The following SLC31A1 variants were observed in gnomAD, a reference collection of about 807,000 sequenced individuals.
The protein encoded by SLC31A1 is solute carrier family 31 member 1.
A neutral mutation model predicts 17.2 loss-of-function variants in SLC31A1; 5 were observed. The ratio of observed to expected loss-of-function variants is 0.29; its 90% confidence interval spans 0.15 to 0.61. SLC31A1 has a LOEUF of 0.61. Among genes scored for constraint, SLC31A1 ranks in the 20% least tolerant of loss-of-function variants. SLC31A1 has a pLI of 0.86. For missense variants in SLC31A1, 161 were observed against 241.4 expected, an observed-to-expected ratio of 0.67 and a Z score of 2.21; for synonymous variants, 76 against 78.8, an observed-to-expected ratio of 0.96 and a Z score of 0.19.
At chr9:113,240,187 A>G (rs772131715) in intron 1 of SLC31A1, among the ~76,000 whole-genome samples, 1 of 152,158 alleles carries the variant, frequency 6.6e-6, no homozygotes, top group South Asian at 2.1e-4. Context: ...ACAAATGATA[A>G]TTATACCTAC....
At chr9:113,252,888 C>G (rs1463069341) in intron 1 of SLC31A1, among the ~76,000 whole-genome samples, 1 of 151,362 alleles carries the variant, frequency 6.6e-6, no homozygotes, top group African/African-American at 2.4e-5. Context: ...TCTTCTGCCT[C>G]TAGCTCTTTA....
At position 113,260,718 on chromosome 9, in the gene SLC31A1, A is replaced by G; in HGVS notation, c.*245A>G. 1.9e-6 allele frequency: 1 copy of G among 532,028 alleles called. No individual in the cohort carries two copies. The highest frequency in any genetic ancestry group is 3.4e-6 in the Non-Finnish European group (1 of 291,680). 33.0% of individuals were successfully genotyped at this position (532,028 alleles called of 1,614,324 possible). ...TTCCCATTTCTCTTAAGGAGAAGCC[A>G]CCCATGAGATGTCTTTTCCTTCTCC... On this transcript the variant is annotated 3_prime_UTR_variant, in exon 5 of 5. Transcript: ENST00000374212.
intron 1 of SLC31A1, among the ~76,000 whole-genome samples, chr9:113,231,374 G>A (rs765278782): frequency 1.1e-4 from 17 of 152,034 alleles, no homozygotes; most frequent in Non-Finnish European, 1.9e-4. Context: ...GACCAGCCTG[G>A]GCAACATAGG....
At chr9:113,240,354 A>G (rs1031983573) in intron 1 of SLC31A1, among the ~76,000 whole-genome samples, 9 of 152,206 alleles carry the variant, frequency 5.9e-5, no homozygotes, top group Admixed American at 5.2e-4. Context: ...TACTTTTTGA[A>G]TGAATGAATA....
At chr9:113,240,567 G>T (rs1026253425) in intron 1 of SLC31A1, among the ~76,000 whole-genome samples, 2 of 152,092 alleles carry the variant, frequency 1.3e-5, no homozygotes, top group Non-Finnish European at 2.9e-5. Flanking sequence ...GAATGAGTTA[G>T]ATTATAAATC....
intron 1 of SLC31A1, among the ~76,000 whole-genome samples, chr9:113,250,460 T>A (rs1831636346): frequency 6.8e-6 from 1 of 147,422 alleles, no homozygotes; most frequent in African/African-American, 2.5e-5. Context: ...TTCTCACTTA[T>A]AGGTGGGAAT....
intron 1 of SLC31A1, among the ~76,000 whole-genome samples, chr9:113,239,201 C>G (rs1008952149): frequency 5.9e-5 from 9 of 152,006 alleles, no homozygotes; most frequent in Admixed American, 5.2e-4. Flanking sequence ...AACTCCTACC[C>G]CTAGACCTAG....
At chr9:113,231,221 G>A (rs1025093520) in intron 1 of SLC31A1, among the ~76,000 whole-genome samples, 1 of 152,014 alleles carries the variant, frequency 6.6e-6, no homozygotes, top group African/African-American at 2.4e-5. Flanking sequence ...AAGTAAATGC[G>A]CACACACACC....
In SLC31A1 at chr9:113,235,468, G is replaced by C. The variant is rs565140459; in HGVS notation, c.-36+13790G>C. 2.0e-5 allele frequency among the ~76,000 whole-genome samples: 3 copies of C among 152,282 alleles called. No individual in the cohort carries two copies. In the East Asian group the frequency reaches 5.8e-4, roughly 29 times the overall value. On this transcript the variant is annotated intron_variant, in intron 1 of 4. Coordinates refer to ENST00000374212, the MANE Select transcript of SLC31A1 (RefSeq NM_001859.4). ...GCATATTGATTCAAAGGAAACTATA[G>C]AGCAATGAAAAATAACAAACTGCTG... is the stretch of plus-strand genomic sequence containing the variant.
At chr9:113,239,296 ATTC>A (rs201096141) in intron 1 of SLC31A1, among the ~76,000 whole-genome samples, 3,057 of 152,244 alleles carry the variant, frequency 0.02, 52 homozygotes, top group Non-Finnish European at 0.029. Flanking sequence ...CCAGGAATAA[ATTC>A]TTCTTACTAA....
intron 1 of SLC31A1, among the ~76,000 whole-genome samples, chr9:113,248,148 G>A (rs1278224684): frequency 6.6e-6 from 1 of 151,944 alleles, no homozygotes; most frequent in Non-Finnish European, 1.5e-5. Flanking sequence ...GCGAAACCCC[G>A]TTTCTGCTAA....
At chr9:113,256,321 T>C (rs1587996480) in intron 2 of SLC31A1, 44 bp downstream of exon 2, 4 of 1,608,012 alleles carry the variant, frequency 2.5e-6, no homozygotes, top group Non-Finnish European at 3.4e-6. Flanking sequence ...TCCCACCCAC[T>C]TGGGTAATAG....
At chr9:113,255,921 G>A (rs1831721758) in intron 1 of SLC31A1, 193 bp from the exon 2 acceptor site, 1 of 317,710 alleles carries the variant, frequency 3.1e-6, no homozygotes, top group East Asian at 5.4e-5. Flanking sequence ...CCACCAGGTT[G>A]CCTGGTGAAC....
rs1831752981 is a variant in SLC31A1, at chr9:113,258,500, C to A, written c.203-194C>A. 6.6e-6 allele frequency among the ~76,000 whole-genome samples: 1 copy of A among 152,182 alleles called. No individual in the cohort carries two copies. The highest frequency in any genetic ancestry group is 2.4e-5 in the African/African-American group (1 of 41,440). On this transcript the variant is annotated intron_variant, in intron 3 of 4. Coordinates refer to ENST00000374212, the MANE Select transcript of SLC31A1 (RefSeq NM_001859.4). This position sits in a 1 kb window ranked among gnomAD's most constrained non-coding sequence, Gnocchi z 4.8. ...ATCTTAATCAGAAAGTAAATATGTTCTTGGCAGAGGCAATAGTTTTCAGTT... is the reference window on the plus strand; with the variant it reads ...ATCTTAATCAGAAAGTAAATATGTTATTGGCAGAGGCAATAGTTTTCAGTT...
intron 1 of SLC31A1, among the ~76,000 whole-genome samples, chr9:113,232,676 T>TAA (rs35958459): frequency 3.5e-3 from 448 of 129,172 alleles, no homozygotes; most frequent in South Asian, 7.6e-3. Flanking sequence ...TACTAAAAAT[T>TAA]AAAAAAAAAA....
In SLC31A1 at chr9:113,260,612, C is replaced by CACACACACACACACACACACACA; in HGVS notation, c.*139_*140insACACACACACACACACACACACA. 1 of 731,728 alleles carries CACACACACACACACACACACACA rather than the reference C, an allele frequency of 1.4e-6. No individual in the cohort carries two copies. Among genetic ancestry groups the CACACACACACACACACACACACA allele is most frequent in the South Asian group, 1.5e-5 (1 of 67,062 alleles). The allele number at this position is 731,728 out of a possible 1,614,324, so 45.3% of individuals were successfully genotyped here. On this transcript the variant is annotated 3_prime_UTR_variant, in exon 5 of 5. Transcript: ENST00000374212. ...ACACACACACACACACACACACACA[C>CACACACACACACACACACACACA]CCCTGCTCAACAGAGGTTTAGTTTA...
At chr9:113,247,505 C>T (rs1328030418) in intron 1 of SLC31A1, among the ~76,000 whole-genome samples, 1 of 152,174 alleles carries the variant, frequency 6.6e-6, no homozygotes, top group African/African-American at 2.4e-5. Flanking sequence ...TGCTAAGACT[C>T]AGAATAGGCA....
chr9:113,222,239 C>T (rs1204063069), intron 1 of SLC31A1, among the ~76,000 whole-genome samples: 1 of 152,058 alleles, frequency 6.6e-6, no homozygotes, highest in Non-Finnish European at 1.5e-5. Context: ...GTATTCTACG[C>T]GGATGAGGTG....
chr9:113,223,221 A>G (rs965077431), intron 1 of SLC31A1: 1 of 453,396 alleles, frequency 2.2e-6, no homozygotes, highest in Non-Finnish European at 4.4e-6. Context: ...ATGCATACGC[A>G]GATTATCACT....
Sources: allele counts gnomAD v4.1 joint callset (sites outside exome capture counted in the v4.1 genomes callset), GRCh38; gene constraint gnomAD v4.1.1; non-coding constraint Gnocchi (gnomAD v3.1); transcripts MANE v1.5; gene names NCBI Gene and HGNC (gene_info 2026-07-23, HGNC 2026-07-21).